Variants in SHKBP1 observed in about 807,000 individuals in gnomAD.
The protein encoded by SHKBP1 is SH3KBP1-binding protein 1.
Under a neutral mutation model 83.9 loss-of-function variants are expected in SHKBP1, and 71 were observed. The observed-to-expected ratio is 0.85, with a 90% CI of 0.70 to 1.03. The LOEUF (loss-of-function observed/expected upper bound fraction) is 1.03. SHKBP1 is among the 50% of genes least tolerant of loss of function. SHKBP1 has a pLI of 0.00. For synonymous variants in SHKBP1, 371 were observed against 398.0 expected (o/e 0.93, Z 0.81); for missense variants, 824 against 982.4 (o/e 0.84, Z 2.16).
At chr19:40,579,045 A>T (rs548094161) in intron 6 of SHKBP1, among the ~76,000 whole-genome samples, 2 of 152,232 alleles carry the variant, frequency 1.3e-5, no homozygotes, top group South Asian at 4.1e-4. Context: ...AGATATAAAG[A>T]TCTGTAGTAG....
chr19:40,581,191 A>G (rs566554094), intron 9 of SHKBP1, among the ~76,000 whole-genome samples: 1 of 152,172 alleles, frequency 6.6e-6, no homozygotes, highest in Admixed American at 6.5e-5. Flanking sequence ...TTTTGTTAGA[A>G]TGCGCTATTC....
intron 10 of SHKBP1, among the ~76,000 whole-genome samples, chr19:40,583,081 A>G (rs752700799): frequency 2.2e-4 from 34 of 152,214 alleles, no homozygotes; most frequent in Admixed American, 5.9e-4. Context: ...GGCCGAGGCA[A>G]GAGGATGGCT....
chr19:40,579,034 C>G (rs781182889), intron 6 of SHKBP1, among the ~76,000 whole-genome samples: 4 of 152,084 alleles, frequency 2.6e-5, no homozygotes, highest in Non-Finnish European at 5.9e-5. Context: ...TGAAAGTTGC[C>G]AGATATAAAG....
At position 40,590,837 on chromosome 19, in the gene SHKBP1, C is replaced by T. The variant is rs756510171; in HGVS notation, c.1876C>T (p.Arg626Cys). 15 of 1,585,774 alleles carry T rather than the reference C, an allele frequency of 9.5e-6. No homozygotes were observed. Among genetic ancestry groups the T allele is most frequent in the Middle Eastern group, 1.7e-4 (1 of 5,980 alleles). Residue 626 changes from arginine to cysteine, a missense_variant, in exon 17 of 18, where the codon CGC (arginine) becomes TGC (cysteine). Transcript: ENST00000291842. The surrounding 1 kb of genome is among the most constrained non-coding windows in gnomAD (Gnocchi z 4.6). ...GGGCTGTCTCCCCAGCCCCTCACCC[C>T]GCATCTCCCTCACCAGGTAGCCACA... Reference protein sequence around the residue: ...SWGCLPSPSPRISLTSLHSAS... With the variant: ...SWGCLPSPSPCISLTSLHSAS...
chr19:40,580,518 C>G, intron 7 of SHKBP1, 33 bp downstream of exon 7: 1 of 1,613,924 alleles, frequency 6.2e-7, no homozygotes, highest in South Asian at 1.1e-5. Context: ...GTTGGGGCAG[C>G]TGTGGGGTCC....
chr19:40,581,042 A>G (rs1401325692), intron 9 of SHKBP1, 106 bp downstream of exon 9: 3 of 1,094,232 alleles, frequency 2.7e-6, no homozygotes, highest in East Asian at 5.1e-5. Flanking sequence ...TCTCTGCTCT[A>G]TTAGATCTGT....
chr19:40,583,680 G>C lies in SHKBP1; in HGVS notation c.1128G>C (p.Gly376=), dbSNP rs1416179860. Residue 376 remains glycine (G), a synonymous_variant, in exon 12 of 18, where the codon GGG becomes GGC. Coordinates refer to ENST00000291842, the MANE Select transcript of SHKBP1 (RefSeq NM_138392.4). ...SELYRDPAED[G]VTALSVYLTP... ...TCTATCGGGACCCAGCGGAGGATGG[G>C]GTCACCGCCCTCAGTGTCTACCTCA... is the stretch of plus-strand genomic sequence containing the variant. 2 of 1,613,934 alleles carry C rather than the reference G, an allele frequency of 1.2e-6. No homozygotes were observed. Among genetic ancestry groups the C allele is most frequent in the Admixed American group, 3.3e-5 (2 of 59,984 alleles).
In SHKBP1 at chr19:40,590,174, C is replaced by T. The variant is rs2081345708; in HGVS notation, c.1590-70C>T. 1 of 1,449,316 alleles carries T rather than the reference C, an allele frequency of 6.9e-7. No homozygotes were observed. The highest frequency in any genetic ancestry group is 1.4e-5 in the South Asian group (1 of 73,784). 89.8% of individuals were successfully genotyped at this position (1,449,316 alleles called of 1,614,324 possible). ...CCTGGAGAGGCAGGAACTGCAGCCA[C>T]AGTGGTGGGGACTGGGACGAGGAAG... On this transcript the variant is annotated intron_variant, in intron 15 of 17. Coordinates refer to ENST00000291842, the MANE Select transcript of SHKBP1 (RefSeq NM_138392.4). This position sits in a 1 kb window ranked among gnomAD's most constrained non-coding sequence, Gnocchi z 4.6.
chr19:40,580,921 G>A lies in SHKBP1; in HGVS notation c.829G>A (p.Gly277Ser), dbSNP rs771832570. The A allele has an allele frequency of 2.2e-5, 34 of 1,573,266 alleles. No individual in the cohort carries two copies. The highest frequency in any genetic ancestry group is 2.7e-5 in the Non-Finnish European group (31 of 1,158,776). ...GCTATGGGCTCTGCAGGCGGAAGGC[G>A]GTGGCTCCGAGATAGGTATGACCCC... ...ILLWALQAEGGGSEIGVFHLG... is the reference protein window; with the variant it reads ...ILLWALQAEGSGSEIGVFHLG... Residue 277 changes from glycine to serine, a missense_variant, in exon 9 of 18, where the codon GGT becomes AGT. Coordinates refer to ENST00000291842, the MANE Select transcript of SHKBP1 (RefSeq NM_138392.4).
At position 40,588,675 on chromosome 19, in the gene SHKBP1, G is replaced by C; in HGVS notation, c.1388G>C (p.Gly463Ala). ...ACATGGTCTGTGACTCGCTTCCGCG[G>C]CATGATTTCCACCCAGCCCGGCTCC... ...VRTWSVTRFR[G>A]MISTQPGSTP... The change falls in exon 14 of 18, where the codon GGC (glycine) becomes GCC (alanine). Residue 463 changes from glycine (G) to alanine (A), a missense_variant. Gly to Ala is a moderately conservative substitution (Grantham distance 60). Around this residue, in one of 3 missense-constraint regions of SHKBP1, gnomAD observed 182 missense variants for 273.1 expected, o/e 0.67. Coordinates refer to ENST00000291842, the MANE Select transcript of SHKBP1 (RefSeq NM_138392.4). The C allele has an allele frequency of 6.2e-7, 1 of 1,614,152 alleles. No homozygotes were observed. The highest frequency in any genetic ancestry group is 8.5e-7 in the Non-Finnish European group (1 of 1,180,026).
In SHKBP1 at chr19:40,583,442, C is replaced by T; in HGVS notation, c.1005C>T (p.Ser335=). The T allele has an allele frequency of 6.2e-7, 1 of 1,606,300 alleles. No homozygotes were observed. The highest frequency in any genetic ancestry group is 8.5e-7 in the Non-Finnish European group (1 of 1,176,548). The change falls in exon 11 of 18, where the codon TCC becomes TCT. Residue 335 remains serine, a synonymous_variant. Coordinates refer to ENST00000291842, the MANE Select transcript of SHKBP1 (RefSeq NM_138392.4). Reference sequence around the variant, plus strand: ...TCACCAGTTATGACGCGGCAGGCTCCTTCCTCCTCCTGGGCTGCAACAACG... The same window carrying T: ...TCACCAGTTATGACGCGGCAGGCTCTTTCCTCCTCCTGGGCTGCAACAACG... ...QPITSYDAAG[S]FLLLGCNNGS...
chr19:40,589,384 C>G (rs420720), intron 15 of SHKBP1, among the ~76,000 whole-genome samples: 83,432 of 145,058 alleles, frequency 0.58, 25,224 homozygotes, highest in African/African-American at 0.78. Context: ...GTTGGTGGGA[C>G]TGACCTGGCG....
At position 40,578,467 on chromosome 19, in the gene SHKBP1, C is replaced by A; in HGVS notation, c.325C>A (p.Arg109Ser). The A allele has an allele frequency of 6.2e-7, 1 of 1,614,128 alleles. No individual in the cohort carries two copies. The highest frequency in any genetic ancestry group is 8.5e-7 in the Non-Finnish European group (1 of 1,179,996). ...QFYGLTPLVR[R>S]LQLREELDRS... ...TTTAAGTCCTCCTGTTGCAGTTCGT[C>A]GCCTGCAGCTTCGAGAGGAGTTGGA... The change falls in exon 6 of 18, where the codon CGC becomes AGC. Residue 109 changes from arginine to serine, a missense_variant. By Grantham distance (110) the Arg-to-Ser change is moderately radical. Around this residue, in one of 3 missense-constraint regions of SHKBP1, gnomAD observed 355 missense variants for 386.4 expected, o/e 0.92. Coordinates refer to ENST00000291842, the MANE Select transcript of SHKBP1 (RefSeq NM_138392.4).
Position 40,583,714 on chromosome 19 carries a change from A to G in SHKBP1, c.1162A>G (p.Thr388Ala). The G allele has an allele frequency of 6.2e-7, 1 of 1,612,544 alleles. No individual in the cohort carries two copies. The highest frequency in any genetic ancestry group is 8.5e-7 in the Non-Finnish European group (1 of 1,178,908). Residue 388 changes from threonine to alanine, a missense_variant, in exon 12 of 18, where the codon ACC (threonine) becomes GCC (alanine). Physicochemically the swap from Thr to Ala is moderately conservative, Grantham distance 58. Transcript: ENST00000291842. ...TALSVYLTPKTSDSGNWIEIA... is the reference protein window; with the variant it reads ...TALSVYLTPKASDSGNWIEIA... ...CCTCAGTGTCTACCTCACCCCCAAG[A>G]CCAGTAAGCTATGACCCGGCTTCCC...
intron 12 of SHKBP1, among the ~76,000 whole-genome samples, chr19:40,584,924 T>C (rs2081299364): frequency 1.3e-5 from 2 of 152,242 alleles, no homozygotes; most frequent in African/African-American, 4.8e-5. Flanking sequence ...TGTGTCTGCA[T>C]TTTTCACTTA....
At chr19:40,589,932 G>C (rs1194464293) in intron 15 of SHKBP1, among the ~76,000 whole-genome samples, 1 of 151,964 alleles carries the variant, frequency 6.6e-6, no homozygotes, top group Non-Finnish European at 1.5e-5. Flanking sequence ...AAGGAGGCTT[G>C]ATGGGAGGCC....
chr19:40,581,138 A>G (rs182839939), intron 9 of SHKBP1, among the ~76,000 whole-genome samples: 174 of 152,102 alleles, frequency 1.1e-3, no homozygotes, highest in South Asian at 6.0e-3. Context: ...CCCACATACA[A>G]TTCTCCCTCC....
In SHKBP1 at chr19:40,576,939, CG is replaced by C; in HGVS notation, c.45del (p.Pro16LeufsTer8). 1 of 1,495,074 alleles carries C rather than the reference CG, an allele frequency of 6.7e-7. No individual in the cohort carries two copies. Among genetic ancestry groups the C allele is most frequent in the Non-Finnish European group, 8.9e-7 (1 of 1,126,418 alleles). The allele number at this position is 1,495,074 out of a possible 1,614,324, so 92.6% of individuals were successfully genotyped here. On this transcript the variant is annotated frameshift_variant, in exon 1 of 18. Transcript: ENST00000291842. LOFTEE classifies it high-confidence loss of function. ...TACTGCAGCCGAGGGGGTCCCCAGTCGGGGGCCTCCCGGGGAAGTCATTCAT... is the reference window on the plus strand; with the variant it reads ...TACTGCAGCCGAGGGGGTCCCCAGTCGGGGCCTCCCGGGGAAGTCATTCAT... ...AATAAEGVPS[R>X]GPPGEVIHLN...
At position 40,590,684 on chromosome 19, in the gene SHKBP1, C is replaced by T. The variant is rs1186145388; in HGVS notation, c.1769-46C>T. 3 of 1,538,620 alleles carry T rather than the reference C, an allele frequency of 1.9e-6. No homozygotes were observed. The East Asian group carries it at 6.8e-5, about 35-fold the overall frequency. On this transcript the variant is annotated intron_variant, in intron 16 of 17. Coordinates refer to ENST00000291842, the MANE Select transcript of SHKBP1 (RefSeq NM_138392.4). The surrounding 1 kb of genome is among the most constrained non-coding windows in gnomAD (Gnocchi z 4.6). ...CTGCAATGCAACCCAGGCCCTTGCC[C>T]TATGACCCCTGTCTTGCCCCCTGAC... is the stretch of plus-strand genomic sequence containing the variant.
Sources: gnomAD v4.1 joint callset for allele counts (sites outside exome capture counted in the v4.1 genomes callset) on GRCh38, gnomAD v4.1.1 for gene constraint, gnomAD v4.1.1 regional missense constraint, Gnocchi (gnomAD v3.1) non-coding constraint, MANE v1.5 for transcripts, NCBI Gene and HGNC (gene_info 2026-07-23, HGNC 2026-07-21) for gene names.